The following PFKM variants were observed in gnomAD, a reference collection of about 807,000 sequenced individuals.
PFKM encodes phosphofructokinase, muscle.
PFKM carries 58 observed loss-of-function variants against 95.5 expected under a neutral mutation model. The ratio of observed to expected loss-of-function variants is 0.61; its 90% CI spans 0.49 to 0.76. The LOEUF (loss-of-function observed/expected upper bound fraction) is 0.76, where lower values mean the gene tolerates loss of function less well. Among genes scored for constraint, PFKM ranks in the 30% least tolerant of loss-of-function variants. The pLI is 0.00. For missense variants in PFKM, 678 were observed against 1,005.4 expected, an observed-to-expected ratio of 0.67 and a Z score of 4.40; for synonymous variants, 336 against 357.2, an observed-to-expected ratio of 0.94 and a Z score of 0.67.
Position 48,134,277 on chromosome 12 carries a change from G to T in PFKM, c.638+1G>T, listed in dbSNP as rs766350964. 4.3e-6 allele frequency: 7 copies of T among 1,612,904 alleles called. 1 individual carries two copies. ...TAGAAGTAATGGGCCGCCACTGTGG[G>T]TAAGATCCTCATTCTGACCCATTTA... On this transcript the variant is annotated splice_donor_variant, in intron 7 of 22. Transcript: ENST00000359794. LOFTEE classifies it high-confidence loss of function.
chr12:48,136,146 CA>C (rs1950070205), intron 10 of PFKM, among the ~76,000 whole-genome samples: 2 of 152,196 alleles, frequency 1.3e-5, no homozygotes, highest in African/African-American at 4.8e-5. Flanking sequence ...CTCGGCCTCC[CA>C]AAATGCCGGG....
chr12:48,141,793 A>G lies in PFKM; in HGVS notation c.1466A>G (p.Asn489Ser). 1 of 1,614,056 alleles carries G rather than the reference A, an allele frequency of 6.2e-7. No homozygotes were observed. Among genetic ancestry groups the G allele is most frequent in the South Asian group, 1.1e-5 (1 of 91,074 alleles). ...ATCAGTGCCAATATAACTAAGTTTA[A>G]CATTCAGGGCCTTGTCATCATTGGG... The part of the protein sequence containing the change: ...EQISANITKF[N>S]IQGLVIIGGF... The change falls in exon 16 of 23, where the codon AAC becomes AGC. Residue 489 changes from asparagine (N) to serine (S), a missense_variant. Coordinates refer to ENST00000359794, the MANE Select transcript of PFKM (RefSeq NM_000289.6).
chr12:48,122,595 A>G (rs928615468), intron 1 of PFKM, 172 bp from the exon 2 acceptor site: 2 of 1,462,422 alleles, frequency 1.4e-6, no homozygotes, highest in East Asian at 2.5e-5. Context: ...TCAGTCTACA[A>G]GGGTGTGGCT....
chr12:48,116,472 G>T (rs1947693522), upstream of PFKM, among the ~76,000 whole-genome samples: 1 of 151,858 alleles, frequency 6.6e-6, no homozygotes. Flanking sequence ...TCAAGCCTTT[G>T]CTCATTTTTA....
Position 48,142,952 on chromosome 12 carries a change from T to G in PFKM, c.1818+6T>G, listed in dbSNP as rs768460935. On this transcript the variant is annotated splice_donor_region_variant and intron_variant, in intron 18 of 22. Coordinates refer to ENST00000359794, the MANE Select transcript of PFKM (RefSeq NM_000289.6). ...TCACCATTCGAGACCTGCAGGTAGC[T>G]GGCCACCCAGAGCCTGCTAGATAGC... The G allele has an allele frequency of 1.2e-6, 2 of 1,612,784 alleles. No homozygotes were observed. The highest frequency in any genetic ancestry group is 2.2e-5 in the South Asian group (2 of 91,000).
intron 3 of PFKM, 25 bp downstream of exon 3, chr12:48,130,461 T>G: frequency 6.5e-7 from 1 of 1,535,108 alleles, no homozygotes; most frequent in Non-Finnish European, 9.0e-7. Context: ...TTGTTCTTCA[T>G]CATTCTTTCT....
chr12:48,129,130 TATC>T (rs995767399), intron 2 of PFKM, among the ~76,000 whole-genome samples: 6 of 151,646 alleles, frequency 4.0e-5, no homozygotes, highest in South Asian at 4.2e-4. Flanking sequence ...AGAGGGATAA[TATC>T]ATCTGTGAAA....
intron 17 of PFKM, 182 bp downstream of exon 17, chr12:48,142,248 A>G (rs1950637637): frequency 2.9e-6 from 2 of 678,432 alleles, no homozygotes; most frequent in South Asian, 3.4e-5. Flanking sequence ...CAAGGCAGGC[A>G]GATCACTTGG....
chr12:48,129,739 A>G (rs1242956024), intron 2 of PFKM, among the ~76,000 whole-genome samples: 1 of 152,230 alleles, frequency 6.6e-6, no homozygotes, highest in Non-Finnish European at 1.5e-5. Context: ...ACTGAACCAT[A>G]TAGAGTCATG....
chr12:48,140,502 G>A (rs933655697), intron 13 of PFKM, among the ~76,000 whole-genome samples: 1 of 152,224 alleles, frequency 6.6e-6, no homozygotes, highest in African/African-American at 2.4e-5. Context: ...GGGGACAGCA[G>A]CTTTATTTAT....
At chr12:48,107,616 C>T (rs996193688) in intron 2 of PFKM, among the ~76,000 whole-genome samples, 1 of 152,044 alleles carries the variant, frequency 6.6e-6, no homozygotes, top group East Asian at 1.9e-4. Flanking sequence ...ATCACTGAGT[C>T]GTGTATTTTC....
chr12:48,141,342 G>C lies in PFKM; in HGVS notation c.1373G>C (p.Gly458Ala). 1 of 1,614,200 alleles carries C rather than the reference G, an allele frequency of 6.2e-7. No individual in the cohort carries two copies. Among genetic ancestry groups the C allele is most frequent in the Admixed American group, 1.7e-5 (1 of 60,024 alleles). ...GAAGCTGGCTGGAGCTATGTTGGGGGCTGGACTGGCCAAGGTGGCTCTAAA... is the reference window on the plus strand; with the variant it reads ...GAAGCTGGCTGGAGCTATGTTGGGGCCTGGACTGGCCAAGGTGGCTCTAAA... ...IEEAGWSYVG[G>A]WTGQGGSKLG... Residue 458 changes from glycine (G) to alanine (A), a missense_variant, in exon 15 of 23, where the codon GGC becomes GCC. Gly to Ala is a moderately conservative substitution (Grantham distance 60). Transcript: ENST00000359794.
chr12:48,128,259 GTC>G (rs112898503), intron 2 of PFKM, among the ~76,000 whole-genome samples: 18 of 149,738 alleles, frequency 1.2e-4, no homozygotes, highest in African/African-American at 1.7e-4. Flanking sequence ...ACTGTACTTT[GTC>G]TCTCTCTCTC....
upstream of PFKM, chr12:48,105,413 G>A (rs772403874): frequency 1.9e-6 from 1 of 518,954 alleles, no homozygotes; most frequent in African/African-American, 1.9e-5. Flanking sequence ...AGGAGGCGAT[G>A]AGCCAGGTAA....
At chr12:48,139,170 T>G (rs1189135256) in intron 11 of PFKM, 115 bp from the exon 12 acceptor site, 9 of 823,830 alleles carry the variant, frequency 1.1e-5, no homozygotes, top group Admixed American at 1.9e-5. Context: ...GGGTGTAGAA[T>G]GGACAGGATC....
At chr12:48,106,103 C>T (rs1565827224) in exon 1 of PFKM, 1 of 702,706 alleles carries the variant, frequency 1.4e-6, no homozygotes, top group Non-Finnish European at 2.6e-6. Flanking sequence ...CGCCGCGAAC[C>T]GGAACCGCCT....
chr12:48,108,331 T>G, intron 3 of PFKM: 3 of 655,744 alleles, frequency 4.6e-6, no homozygotes, highest in South Asian at 3.4e-5. Flanking sequence ...TGTGTGTGTG[T>G]GAAACAGAGA....
At chr12:48,139,717 C>T in intron 12 of PFKM, 132 bp from the exon 13 acceptor site, 1 of 728,462 alleles carries the variant, frequency 1.4e-6, no homozygotes, top group Non-Finnish European at 2.5e-6. Context: ...CCCTGCTCTG[C>T]CCCAGTTCTG....
intron 20 of PFKM, among the ~76,000 whole-genome samples, chr12:48,144,634 T>G (rs1565915176): frequency 6.6e-6 from 1 of 152,170 alleles, no homozygotes; most frequent in Non-Finnish European, 1.5e-5. Context: ...TCTGAGGTGC[T>G]ACCAAGGGCA....
Sources: gnomAD v4.1 joint callset for allele counts (sites outside exome capture counted in the v4.1 genomes callset) on GRCh38, gnomAD v4.1.1 for gene constraint, MANE v1.5 for transcripts, NCBI Gene and HGNC (gene_info 2026-07-23, HGNC 2026-07-21) for gene names.